The following BCAR3 variants were observed in gnomAD, a reference collection of about 807,000 sequenced individuals.
BCAR3 encodes the protein BCAR3 adaptor protein, NSP family member.
Under a neutral mutation model 80.1 loss-of-function variants are expected in BCAR3, and 37 were observed. The observed-to-expected ratio is 0.46, with a 90% CI of 0.36 to 0.61. BCAR3 has a LOEUF of 0.61. Ranked by LOEUF, BCAR3 falls within the 20% of genes least tolerant of loss-of-function variation. The pLI is 0.00. For synonymous variants in BCAR3, 389 were observed against 418.9 expected, an observed-to-expected ratio of 0.93 and a Z score of 0.87; for missense variants, 978 against 1,068.2, an observed-to-expected ratio of 0.92 and a Z score of 1.18.
At chr1:93,629,079 T>A (rs1354153535) in intron 3 of BCAR3, among the ~76,000 whole-genome samples, 1 of 152,150 alleles carries the variant, frequency 6.6e-6, no homozygotes, top group East Asian at 1.9e-4. Context: ...AGTTGCAAAG[T>A]TATATGTAGT....
At chr1:93,614,881 G>A (rs1252667630) in intron 3 of BCAR3, among the ~76,000 whole-genome samples, 7 of 152,042 alleles carry the variant, frequency 4.6e-5, no homozygotes, top group African/African-American at 1.7e-4. Context: ...ACGCAGCCAA[G>A]CAAGGCCCTC....
chr1:93,650,974 T>C (rs1225004156), intron 2 of BCAR3, among the ~76,000 whole-genome samples: 1 of 152,178 alleles, frequency 6.6e-6, no homozygotes, highest in East Asian at 1.9e-4. Flanking sequence ...GTAGGAGCCA[T>C]TTGTCAGAGC....
chr1:93,808,389 C>T (rs6692003), intron 2 of BCAR3, among the ~76,000 whole-genome samples: 1,566 of 152,068 alleles, frequency 0.01, 22 homozygotes, highest in African/African-American at 0.036. Flanking sequence ...AATTTTATAC[C>T]CAGCCAATTT....
intron 2 of BCAR3, among the ~76,000 whole-genome samples, chr1:93,779,212 G>A (rs1378634947): frequency 1.3e-5 from 2 of 152,204 alleles, no homozygotes; most frequent in African/African-American, 2.4e-5. Context: ...TAACAAAATC[G>A]TTAGAGTAGC....
intron 2 of BCAR3, among the ~76,000 whole-genome samples, chr1:93,644,729 A>G (rs1484052675): frequency 6.6e-6 from 1 of 152,186 alleles, no homozygotes; most frequent in Non-Finnish European, 1.5e-5. Context: ...AGGACCCTGA[A>G]GGAGTTGCCC....
chr1:93,585,309 C>G, intron 5 of BCAR3: 1 of 608,440 alleles, frequency 1.6e-6, no homozygotes, highest in Non-Finnish European at 2.1e-6. Context: ...AGGCCATGAG[C>G]CATCTTTTCC....
chr1:93,599,076 C>T (rs1674535650), intron 3 of BCAR3: 1 of 152,186 alleles, frequency 6.6e-6, no homozygotes, highest in Admixed American at 6.5e-5. Flanking sequence ...GTTCTGACCC[C>T]ACCTTCCTGA....
intron 7 of BCAR3, among the ~76,000 whole-genome samples, chr1:93,579,508 G>A (rs1397632737): frequency 2.0e-5 from 3 of 152,178 alleles, no homozygotes; most frequent in Non-Finnish European, 2.9e-5. Flanking sequence ...AGGCAGACAT[G>A]AGAGTGAGGC....
At chr1:93,757,086 T>C (rs977953854) in intron 2 of BCAR3, among the ~76,000 whole-genome samples, 28 of 152,076 alleles carry the variant, frequency 1.8e-4, no homozygotes, top group African/African-American at 6.8e-4. Flanking sequence ...TCTCTGCCGG[T>C]TGGGGTCTGT....
chr1:93,658,406 G>T (rs1402826643), intron 2 of BCAR3, among the ~76,000 whole-genome samples: 1 of 151,908 alleles, frequency 6.6e-6, no homozygotes, highest in Non-Finnish European at 1.5e-5. Context: ...AACACACAAA[G>T]AATCTATGCA....
intron 2 of BCAR3, among the ~76,000 whole-genome samples, chr1:93,789,887 T>TA (rs1653082305): frequency 6.6e-6 from 1 of 152,222 alleles, no homozygotes; most frequent in South Asian, 2.1e-4. Flanking sequence ...CAGTCAGTCA[T>TA]ACTGGTGAGG....
intron 3 of BCAR3, among the ~76,000 whole-genome samples, chr1:93,699,250 C>T (rs1649546603): frequency 6.6e-6 from 1 of 152,212 alleles, no homozygotes; most frequent in Non-Finnish European, 1.5e-5. Flanking sequence ...TTTCTTAACT[C>T]ACACTGTGTC....
intron 2 of BCAR3, among the ~76,000 whole-genome samples, chr1:93,839,569 G>A (rs1315198952): frequency 6.6e-6 from 1 of 152,214 alleles, no homozygotes; most frequent in East Asian, 1.9e-4. Flanking sequence ...TCAGAAGAAG[G>A]AAGGCAGCCA....
At chr1:93,725,017 A>G (rs898416413) in intron 2 of BCAR3, among the ~76,000 whole-genome samples, 7 of 152,180 alleles carry the variant, frequency 4.6e-5, no homozygotes. Context: ...ACCAGCCAAG[A>G]GCCTCTGTCC....
intron 2 of BCAR3, among the ~76,000 whole-genome samples, chr1:93,642,739 C>G (rs1240512342): frequency 6.6e-6 from 1 of 152,206 alleles, no homozygotes; most frequent in Non-Finnish European, 1.5e-5. Flanking sequence ...AACGTCCCCA[C>G]CAGTAACTGT....
At chr1:93,576,238 A>T (rs1248032218) in intron 7 of BCAR3, 109 bp from the exon 8 acceptor site, 1 of 697,920 alleles carries the variant, frequency 1.4e-6, no homozygotes, top group Non-Finnish European at 2.5e-6. Flanking sequence ...TGGACACTTT[A>T]TGAGTTACAT....
chr1:93,756,837 T>G (rs117459911), intron 2 of BCAR3, among the ~76,000 whole-genome samples: 9 of 152,242 alleles, frequency 5.9e-5, no homozygotes, highest in African/African-American at 2.4e-5. Context: ...ATGGCTTTGA[T>G]GACTAGTCCC....
In BCAR3 at chr1:93,577,726, C is replaced by T. The variant is rs1056710794; in HGVS notation, c.1687-1597G>A. 5.3e-5 allele frequency among the ~76,000 whole-genome samples: 8 copies of T among 152,226 alleles called. No homozygotes were observed. The East Asian group carries it at 1.5e-3, about 29-fold the overall frequency. ...ATGCACGCTTCCTCGCATATTTAGA[C>T]AGCTGCCCTCTGTCAGAGGTCCCAA... is the stretch of plus-strand genomic sequence containing the variant. On this transcript the variant is annotated intron_variant, in intron 7 of 11. Transcript: ENST00000260502.
intron 3 of BCAR3, among the ~76,000 whole-genome samples, chr1:93,640,030 A>G (rs952066790): frequency 2.0e-4 from 30 of 152,220 alleles, no homozygotes; most frequent in African/African-American, 7.0e-4. Context: ...TTCACATAGA[A>G]CTACTTTTCT....
Sources: allele counts gnomAD v4.1 joint callset (sites outside exome capture counted in the v4.1 genomes callset), GRCh38; gene constraint gnomAD v4.1.1; transcripts MANE v1.5; gene names NCBI Gene and HGNC (gene_info 2026-07-23, HGNC 2026-07-21).